Variants in PCGF3 observed in about 807,000 individuals in gnomAD.
PCGF3 encodes polycomb group ring finger 3.
PCGF3 carries 7 observed loss-of-function variants against 33.1 expected under a neutral mutation model. The observed-to-expected ratio is 0.21, with a 90% CI of 0.12 to 0.40. The LOEUF (loss-of-function observed/expected upper bound fraction) is 0.40. Among genes scored for constraint, PCGF3 ranks in the 10% least tolerant of loss-of-function variants. PCGF3 has a pLI of 1.00. For missense variants in PCGF3, 211 were observed against 313.3 expected (o/e 0.67, Z 2.46); for synonymous variants, 153 against 121.3 (o/e 1.26, Z -1.72).
At chr4:732,813 C>T (rs1560204424) in intron 3 of PCGF3, among the ~76,000 whole-genome samples, 1 of 152,234 alleles carries the variant, frequency 6.6e-6, no homozygotes, top group Non-Finnish European at 1.5e-5. Context: ...TAGTGGGGTG[C>T]ACCTGGCCAC....
At position 722,517 on chromosome 4, in the gene PCGF3, T is replaced by C. The variant is rs545940132; in HGVS notation, c.-189-8113T>C. 1.4e-3 allele frequency: 444 copies of C among 312,028 alleles called. 4 individuals are homozygous for C. Among genetic ancestry groups the C allele is most frequent in the African/African-American group, 9.9e-3 (420 of 42,316 alleles). The allele number at this position is 312,028 out of a possible 1,614,324, so 19.3% of individuals were successfully genotyped here. On this transcript the variant is annotated intron_variant, in intron 1 of 10. Transcript: ENST00000362003. ...ACGTCGGGGCTGTGTCCGCGCCGGG[T>C]CCACACTCAGTCATCGCCCGTCCGC...
intron 8 of PCGF3, among the ~76,000 whole-genome samples, chr4:752,676 G>A (rs1051755491): frequency 3.3e-5 from 5 of 152,202 alleles, no homozygotes; most frequent in African/African-American, 1.2e-4. Flanking sequence ...GGATACAGGG[G>A]CTCTACATGG....
chr4:763,551 G>A (rs540598190), intron 9 of PCGF3, among the ~76,000 whole-genome samples: 1 of 152,344 alleles, frequency 6.6e-6, no homozygotes, highest in South Asian at 2.1e-4. Context: ...CCCATAGAAG[G>A]GCCAGAATCC....
At chr4:727,334 G>A (rs1158944909) in intron 1 of PCGF3, among the ~76,000 whole-genome samples, 1 of 137,220 alleles carries the variant, frequency 7.3e-6, no homozygotes, top group African/African-American at 2.7e-5. Context: ...TCCGCCTCCC[G>A]GGTTCAGGCG....
chr4:734,105 A>G (rs1461698885), intron 4 of PCGF3: 102 of 1,550,590 alleles, frequency 6.6e-5, no homozygotes, highest in Non-Finnish European at 8.3e-5. Context: ...CCAAATCTCC[A>G]GAGGAGTTCC....
intron 8 of PCGF3, among the ~76,000 whole-genome samples, chr4:760,252 A>G (rs1744974723): frequency 6.6e-6 from 1 of 151,960 alleles, no homozygotes; most frequent in Non-Finnish European, 1.5e-5. Context: ...GTTTCTTAAC[A>G]CTTCCTTTCC....
chr4:727,375 G>T, intron 1 of PCGF3, among the ~76,000 whole-genome samples: 1 of 151,364 alleles, frequency 6.6e-6, no homozygotes. Flanking sequence ...CGAACAGCTG[G>T]GAGTACAGGC....
intron 8 of PCGF3, among the ~76,000 whole-genome samples, chr4:752,699 G>T (rs1744578343): frequency 6.6e-6 from 1 of 152,344 alleles, no homozygotes; most frequent in Non-Finnish European, 1.5e-5. Flanking sequence ...TTCGACCCCT[G>T]TGTGTGCAGC....
exon 7 of PCGF3, chr4:743,539 G>T: frequency 1.9e-6 from 3 of 1,613,330 alleles, no homozygotes; most frequent in Non-Finnish European, 2.5e-6. Flanking sequence ...AGACATCAAG[G>T]GGGAGACCTG....
intron 1 of PCGF3, among the ~76,000 whole-genome samples, chr4:730,041 CCCCT>C (rs1743487347): frequency 6.6e-6 from 1 of 151,730 alleles, no homozygotes; most frequent in South Asian, 2.1e-4. Flanking sequence ...CCCTCCCCTG[CCCCT>C]CCCTCCCTGT....
intron 9 of PCGF3, among the ~76,000 whole-genome samples, chr4:763,375 A>T (rs1307495435): frequency 2.6e-5 from 4 of 152,030 alleles, no homozygotes; most frequent in Admixed American, 6.5e-5. Context: ...TCCAGGGAAG[A>T]GTGTGAGGTT....
chr4:735,194 C>T (rs752419463), intron 5 of PCGF3, among the ~76,000 whole-genome samples, 167 bp downstream of exon 5: 37 of 152,232 alleles, frequency 2.4e-4, no homozygotes, highest in Admixed American at 9.8e-4. Context: ...CTGGGTCCAG[C>T]GCTCACCAGG....
exon 11 of PCGF3, chr4:769,757 T>C (rs531334091): frequency 2.2e-5 from 3 of 135,150 alleles, no homozygotes; most frequent in African/African-American, 8.0e-5. Context: ...CATGGCTTAA[T>C]TGCCTATCAG....
At chr4:734,710 CTT>C in intron 4 of PCGF3, 1 of 1,349,862 alleles carries the variant, frequency 7.4e-7, no homozygotes. Flanking sequence ...AACCCTGCCT[CTT>C]TGAGGAAGCC....
exon 11 of PCGF3, chr4:769,569 C>G (rs1289470425): frequency 6.6e-6 from 1 of 152,628 alleles, no homozygotes; most frequent in Non-Finnish European, 1.5e-5. Context: ...CAAATGATAC[C>G]ATAATTTGTA....
At chr4:732,331 T>TCCCTCCTC (rs1560204098) in intron 3 of PCGF3, 3 of 134,764 alleles carry the variant, frequency 2.2e-5, no homozygotes, top group East Asian at 2.6e-4. Flanking sequence ...CCCCTCCCCT[T>TCCCTCCTC]CCCTCCTCCC....
chr4:716,410 G>C (rs1577396852), intron 1 of PCGF3, among the ~76,000 whole-genome samples: 1 of 140,840 alleles, frequency 7.1e-6, no homozygotes, highest in East Asian at 2.3e-4. Flanking sequence ...CTGGGACCCT[G>C]TAGACACTGA....
chr4:739,310 C>A (rs1262918531), intron 6 of PCGF3, among the ~76,000 whole-genome samples: 1 of 152,200 alleles, frequency 6.6e-6, no homozygotes, highest in African/African-American at 2.4e-5. Context: ...CAGTGATTCT[C>A]CCACCTCAGC....
At chr4:753,595 A>T (rs961525777) in intron 8 of PCGF3, among the ~76,000 whole-genome samples, 2 of 150,880 alleles carry the variant, frequency 1.3e-5, no homozygotes, top group Admixed American at 6.6e-5. Context: ...GTGAGCCGAG[A>T]TCACGCCACT....
Sources: allele counts gnomAD v4.1 joint callset (sites outside exome capture counted in the v4.1 genomes callset), GRCh38; gene constraint gnomAD v4.1.1; transcripts MANE v1.5; gene names NCBI Gene and HGNC (gene_info 2026-07-23, HGNC 2026-07-21).